The following PLCH2 variants were observed in gnomAD, a reference collection of about 807,000 sequenced individuals.
PLCH2 encodes the protein 1-phosphatidylinositol 4,5-bisphosphate phosphodiesterase eta-2.
PLCH2 carries 98 observed loss-of-function variants against 134.7 expected under a neutral mutation model. The observed-to-expected ratio is 0.73, with a 90% CI of 0.62 to 0.86. PLCH2 has a LOEUF of 0.86. PLCH2 is among the 40% of genes least tolerant of loss of function. PLCH2 has a pLI of 0.00. For missense variants in PLCH2, 1,994 were observed against 1,986.6 expected (o/e 1.00, Z -0.07); for synonymous variants, 974 against 827.5 (o/e 1.18, Z -3.04).
intron 2 of PLCH2, among the ~76,000 whole-genome samples, chr1:2,447,017 C>T (rs1018633942): frequency 2.0e-5 from 3 of 152,218 alleles, no homozygotes; most frequent in Non-Finnish European, 4.4e-5. Context: ...CAGAGCCGCC[C>T]TCAGGGCTCC....
chr1:2,418,758 C>T, the PLCH2 span, among the ~76,000 whole-genome samples: 2 of 152,182 alleles, frequency 1.3e-5, no homozygotes, highest in South Asian at 2.1e-4. Flanking sequence ...CCGTGTGCTC[C>T]GCAGACACCT....
intron 12 of PLCH2, 30 bp downstream of exon 12, chr1:2,494,978 G>T: frequency 6.7e-7 from 1 of 1,491,912 alleles, no homozygotes; most frequent in Non-Finnish European, 9.1e-7. Context: ...CCAGGGTCCC[G>T]GTCTGGGCCC....
intron 2 of PLCH2, among the ~76,000 whole-genome samples, chr1:2,434,645 C>T (rs1456882960): frequency 6.6e-6 from 1 of 152,224 alleles, no homozygotes; most frequent in Admixed American, 6.5e-5. Flanking sequence ...GTGGCAAGGG[C>T]CTGGCTTCCA....
At chr1:2,488,744 T>C (rs1346997938) in intron 8 of PLCH2, among the ~76,000 whole-genome samples, 1 of 152,218 alleles carries the variant, frequency 6.6e-6, no homozygotes, top group Non-Finnish European at 1.5e-5. Context: ...GGCTTATGTC[T>C]CCTTCTTTAT....
Position 2,486,580 on chromosome 1 carries a change from G to T in PLCH2, c.817-327G>T, listed in dbSNP as rs117011848. 7.2e-5 allele frequency among the ~76,000 whole-genome samples: 11 copies of T among 152,362 alleles called. No individual in the cohort carries two copies. In the East Asian group the frequency reaches 2.1e-3, roughly 29 times the overall value. On this transcript the variant is annotated intron_variant, in intron 5 of 21. Coordinates refer to ENST00000378486, the MANE Select transcript of PLCH2 (RefSeq NM_014638.4). ...CCTGGCTCTGCCAAGGGGGCATGAA[G>T]ATTCTTGCTCTCCTGTACCCACCCA...
upstream of PLCH2, among the ~76,000 whole-genome samples, chr1:2,472,685 G>A (rs931704340): frequency 2.0e-5 from 3 of 152,180 alleles, no homozygotes; most frequent in African/African-American, 7.2e-5. Context: ...ACACGGGTGG[G>A]CCCAGGGAGG....
At chr1:2,434,610 C>A (rs945510168) in intron 2 of PLCH2, among the ~76,000 whole-genome samples, 1 of 152,236 alleles carries the variant, frequency 6.6e-6, no homozygotes, top group African/African-American at 2.4e-5. Flanking sequence ...GGCCGTGGGA[C>A]CCTCCAGTCC....
At chr1:2,416,882 A>G in the PLCH2 span, among the ~76,000 whole-genome samples, 1 of 152,112 alleles carries the variant, frequency 6.6e-6, no homozygotes, top group African/African-American at 2.4e-5. Context: ...ACCAGCAGGA[A>G]TGAATTCCTG....
chr1:2,426,356 C>T (rs894072428), intron 1 of PLCH2, among the ~76,000 whole-genome samples: 3 of 152,252 alleles, frequency 2.0e-5, no homozygotes, highest in Non-Finnish European at 4.4e-5. Flanking sequence ...ACTTTCTCCA[C>T]CTGGCACTAA....
intron 2 of PLCH2, among the ~76,000 whole-genome samples, chr1:2,461,668 C>T (rs1385436138): frequency 6.6e-6 from 1 of 152,212 alleles, no homozygotes; most frequent in African/African-American, 2.4e-5. Context: ...TGCCTCCCGC[C>T]TCTGTGGGCC....
At chr1:2,429,116 C>T (rs1291066211) in intron 1 of PLCH2, among the ~76,000 whole-genome samples, 1 of 152,134 alleles carries the variant, frequency 6.6e-6, no homozygotes. Flanking sequence ...CCAAGGGGCC[C>T]TCCTTCCTGG....
chr1:2,438,965 C>T lies in PLCH2; in HGVS notation c.115+8336C>T, dbSNP rs1045910715. Among the ~76,000 whole-genome samples, 4 of 152,294 alleles carry T rather than the reference C, an allele frequency of 2.6e-5. No homozygotes were observed. The East Asian group carries it at 7.7e-4, about 30-fold the overall frequency. ...GCCCTGCCCAGGGATCTGGATGGGC[C>T]GATGGAGCCCAGCTCTGGCCACATG... On this transcript the variant is annotated intron_variant, in intron 2 of 3. Transcript: ENST00000609981.
At chr1:2,443,839 GAGCCC>G (rs1639807711) in intron 2 of PLCH2, among the ~76,000 whole-genome samples, 1 of 149,134 alleles carries the variant, frequency 6.7e-6, no homozygotes, top group Non-Finnish European at 1.5e-5. Context: ...GCGGGAGCCG[GAGCCC>G]CAGCCCGAGC....
At chr1:2,503,192 G>A (rs752804142) in intron 21 of PLCH2, 49 of 595,452 alleles carry the variant, frequency 8.2e-5, no homozygotes, top group Non-Finnish European at 1.4e-4. Flanking sequence ...GTCTGGGGCC[G>A]GGACTGTGGC....
chr1:2,475,547 G>A (rs1005343542), upstream of PLCH2, among the ~76,000 whole-genome samples: 1 of 152,244 alleles, frequency 6.6e-6, no homozygotes, highest in African/African-American at 2.4e-5. Flanking sequence ...TGGTCCTGGT[G>A]GCAGTGGGAC....
chr1:2,480,737 C>T (rs1019712255), intron 4 of PLCH2, among the ~76,000 whole-genome samples: 3 of 152,246 alleles, frequency 2.0e-5, no homozygotes, highest in Non-Finnish European at 4.4e-5. Flanking sequence ...CGTTACTTTC[C>T]CCATGCCGCC....
At chr1:2,489,160 C>T (rs1352386612) in intron 8 of PLCH2, 47 bp from the exon 9 acceptor site, 1 of 1,561,752 alleles carries the variant, frequency 6.4e-7, no homozygotes, top group Non-Finnish European at 8.8e-7. Context: ...CTTACCCATC[C>T]TCTGAGGCCC....
intron 10 of PLCH2, among the ~76,000 whole-genome samples, chr1:2,490,250 C>T (rs767153704): frequency 3.9e-5 from 6 of 152,174 alleles, no homozygotes; most frequent in Non-Finnish European, 8.8e-5. Flanking sequence ...CCCAGCTTCC[C>T]GCCCTTTTCC....
At chr1:2,463,209 C>T (rs10910079), upstream of PLCH2, among the ~76,000 whole-genome samples, 18,151 of 152,150 alleles carry the variant, frequency 0.12, 2,074 homozygotes, top group African/African-American at 0.28. Context: ...GGACCAGCCC[C>T]GGAGGGGGAG....
Sources: allele counts gnomAD v4.1 joint callset (sites outside exome capture counted in the v4.1 genomes callset), GRCh38; gene constraint gnomAD v4.1.1; transcripts MANE v1.5; gene names NCBI Gene and HGNC (gene_info 2026-07-23, HGNC 2026-07-21).